IPO7: variants seen among roughly 807,000 people sequenced by gnomAD.
The protein encoded by IPO7 is importin-7.
In IPO7, 13 loss-of-function variants were observed where a neutral mutation model predicts 136.4. That is an observed-to-expected ratio of 0.10 (90% CI 0.06 to 0.15). IPO7 has a LOEUF of 0.15. Among genes scored for constraint, IPO7 ranks in the 10% least tolerant of loss-of-function variants. The pLI, the probability that IPO7 is intolerant of heterozygous loss-of-function variation, is 1.00. For synonymous variants in IPO7, 403 were observed against 404.4 expected, an observed-to-expected ratio of 1.00 and a Z score of 0.04; for missense variants, 857 against 1,240.6, an observed-to-expected ratio of 0.69 and a Z score of 4.65.
At chr11:9,390,144 G>T (rs1362622772) in intron 1 of IPO7, among the ~76,000 whole-genome samples, 2 of 152,212 alleles carry the variant, frequency 1.3e-5, no homozygotes, top group African/African-American at 4.8e-5. Context: ...GTCCGTCTTG[G>T]CCTCCCAAAG....
chr11:9,394,867 G>T lies in IPO7; in HGVS notation c.85-8423G>T, dbSNP rs12574246. On this transcript the variant is annotated intron_variant, in intron 1 of 24. Transcript: ENST00000379719. ...TAAGTGTGACTATTGAAATTATCTGGGTTGATGACAGATAATGAGAAGGTT... is the reference window on the plus strand; with the variant it reads ...TAAGTGTGACTATTGAAATTATCTGTGTTGATGACAGATAATGAGAAGGTT... Among the ~76,000 whole-genome samples the T allele has an allele frequency of 7.4e-3, 1,126 of 152,216 alleles. 34 individuals are homozygous for T. In the East Asian group the frequency reaches 0.097, roughly 13 times the overall value.
chr11:9,437,655 A>G lies in IPO7; in HGVS notation c.2269-99A>G, dbSNP rs1855398392. On this transcript the variant is annotated intron_variant, in intron 20 of 24. Coordinates refer to ENST00000379719, the MANE Select transcript of IPO7 (RefSeq NM_006391.3). Reference sequence around the variant, plus strand: ...CAGTAAATATTGGTCATCTAATGCTACAATAGGGTTAATTGAGGCAACAAA... The same window carrying G: ...CAGTAAATATTGGTCATCTAATGCTGCAATAGGGTTAATTGAGGCAACAAA... 4 of 832,540 alleles carry G rather than the reference A, an allele frequency of 4.8e-6. No individual in the cohort carries two copies. The Admixed American group carries it at 7.2e-5, about 15-fold the overall frequency. 51.6% of individuals were successfully genotyped at this position (832,540 alleles called of 1,614,324 possible). A position where few individuals can be genotyped will look rare whatever the true frequency, so the allele number is the denominator to read the frequency against.
At chr11:9,386,515 C>T (rs1854553900) in intron 1 of IPO7, among the ~76,000 whole-genome samples, 1 of 152,124 alleles carries the variant, frequency 6.6e-6, no homozygotes, top group Non-Finnish European at 1.5e-5. Flanking sequence ...TCTACCATGA[C>T]TTTGCTCTAA....
chr11:9,392,343 A>T, intron 1 of IPO7: 1 of 272,920 alleles, frequency 3.7e-6, no homozygotes, highest in South Asian at 2.9e-5. Context: ...ACGTCCGGCT[A>T]ATTTTGTATT....
At chr11:9,429,884 A>G (rs1286147516) in intron 15 of IPO7, 50 bp downstream of exon 15, 11 of 1,386,138 alleles carry the variant, frequency 7.9e-6, no homozygotes, top group Admixed American at 2.2e-5. Flanking sequence ...TGTAGCTCTC[A>G]GTATGTTCCA....
chr11:9,433,652 T>C lies in IPO7; in HGVS notation c.1948+16T>C, dbSNP rs1346769695. 1 of 1,612,786 alleles carries C rather than the reference T, an allele frequency of 6.2e-7. No individual in the cohort carries two copies. Among genetic ancestry groups the C allele is most frequent in the Non-Finnish European group, 8.5e-7 (1 of 1,179,374 alleles). ...CATGTCTTAGGTATTATACCTCTGA[T>C]TGTGCTAAGAATTTAGTGCTATTTC... On this transcript the variant is annotated intron_variant, in intron 17 of 24. Coordinates refer to ENST00000379719, the MANE Select transcript of IPO7 (RefSeq NM_006391.3).
At chr11:9,435,686 C>T (rs1315960457) in intron 19 of IPO7, among the ~76,000 whole-genome samples, 1 of 152,190 alleles carries the variant, frequency 6.6e-6, no homozygotes, top group East Asian at 1.9e-4. Context: ...ATACTATCTA[C>T]ATTTCTATTC....
At chr11:9,429,273 G>C in intron 14 of IPO7, 77 bp downstream of exon 14, 4 of 1,205,112 alleles carry the variant, frequency 3.3e-6, no homozygotes, top group African/African-American at 1.5e-5. Flanking sequence ...TTAGCACTTC[G>C]GTAGGCTTAG....
chr11:9,436,410 T>C, intron 20 of IPO7, 44 bp downstream of exon 20: 1 of 1,309,436 alleles, frequency 7.6e-7, no homozygotes, highest in Non-Finnish European at 1.1e-6. Context: ...GGGGTAATCT[T>C]TTCCTTCCAC....
intron 16 of IPO7, among the ~76,000 whole-genome samples, chr11:9,431,570 C>T (rs1388331999): frequency 2.0e-5 from 3 of 151,520 alleles, no homozygotes; most frequent in Non-Finnish European, 4.4e-5. Context: ...TGGAAATATT[C>T]TAAGTGTTAA....
intron 3 of IPO7, among the ~76,000 whole-genome samples, chr11:9,409,624 C>T (rs376824122): frequency 1.6e-4 from 24 of 151,952 alleles, no homozygotes; most frequent in African/African-American, 4.6e-4. Flanking sequence ...GTGATCTTCC[C>T]GCCTGGGCCT....
intron 6 of IPO7, among the ~76,000 whole-genome samples, chr11:9,419,557 A>ATATATATATAT: frequency 7.9e-6 from 1 of 125,812 alleles, no homozygotes; most frequent in African/African-American, 3.6e-5. Flanking sequence ...AAAAAAAAAA[A>ATATATATATAT]AAATATATAT....
intron 20 of IPO7, among the ~76,000 whole-genome samples, chr11:9,437,534 G>A (rs1176701316): frequency 5.3e-5 from 8 of 152,114 alleles, no homozygotes; most frequent in Non-Finnish European, 1.0e-4. Context: ...GATTACAGGC[G>A]TGAGCCACCA....
At chr11:9,397,341 A>AAAAAAAAAATATATATATAT in intron 1 of IPO7, among the ~76,000 whole-genome samples, 15 of 10,760 alleles carry the variant, frequency 1.4e-3, no homozygotes, top group African/African-American at 3.0e-3. Context: ...TTTAAAAAAA[A>AAAAAAAAAATATATATATAT]ATATATATAT....
chr11:9,409,842 G>A (rs1699091629), intron 3 of IPO7, 86 bp from the exon 4 acceptor site: 1 of 973,818 alleles, frequency 1.0e-6, no homozygotes, highest in East Asian at 2.8e-5. Flanking sequence ...ATTAGATTTT[G>A]TCTAAACAGC....
intron 10 of IPO7, 120 bp downstream of exon 10, chr11:9,423,996 C>T (rs1171271758): frequency 1.2e-5 from 7 of 564,332 alleles, no homozygotes; most frequent in Non-Finnish European, 1.9e-5. Flanking sequence ...TAATTGATCC[C>T]TTGTGTAGTC....
Position 9,423,075 on chromosome 11 carries a change from T to G in IPO7, c.976T>G (p.Leu326Val). Residue 326 changes from leucine (L) to valine (V), a missense_variant, in exon 9 of 25, where the codon TTA becomes GTA. Transcript: ENST00000379719. The part of the protein sequence containing the change: ...YMAPRVLQQT[L>V]NYINQGVSHA... ...GGCTCCTCGAGTTTTACAACAGACA[T>G]TAAATTATATTAATCAAGGAGTTTC... 2 of 1,592,094 alleles carry G rather than the reference T, an allele frequency of 1.3e-6. No individual in the cohort carries two copies. The highest frequency in any genetic ancestry group is 1.7e-6 in the Non-Finnish European group (2 of 1,161,360).
chr11:9,440,580 G>A lies in IPO7; in HGVS notation c.2821G>A (p.Ala941Thr). ...GGAAGAAGATGATGCTGAAGAGACT[G>A]CTCTGGAAGGCTATTCCACAATCAT... The part of the protein sequence containing the change: ...DWEEDDAEET[A>T]LEGYSTIIDD... Residue 941 changes from alanine to threonine, a missense_variant, in exon 23 of 25, where the codon GCT (alanine) becomes ACT (threonine). Transcript: ENST00000379719. 6.2e-7 allele frequency: 1 copy of A among 1,613,706 alleles called. No individual in the cohort carries two copies. The highest frequency in any genetic ancestry group is 8.5e-7 in the Non-Finnish European group (1 of 1,179,642).
At chr11:9,425,752 G>A (rs923684390) in intron 12 of IPO7, among the ~76,000 whole-genome samples, 3 of 151,940 alleles carry the variant, frequency 2.0e-5, no homozygotes, top group Admixed American at 6.6e-5. Context: ...GGTGGCTGGC[G>A]CCTGTAGTCC....
Sources: allele counts gnomAD v4.1 joint callset (sites outside exome capture counted in the v4.1 genomes callset), GRCh38; gene constraint gnomAD v4.1.1; transcripts MANE v1.5; gene names NCBI Gene and HGNC (gene_info 2026-07-23, HGNC 2026-07-21).